Variants in GALNT17 observed in about 807,000 individuals in gnomAD.
GALNT17 encodes polypeptide N-acetylgalactosaminyltransferase 17, also known as UDP-GalNAc:polypeptide N-acetylgalactosaminyltransferase-like 3.
A neutral mutation model predicts 63.7 loss-of-function variants in GALNT17; 29 were observed. The observed-to-expected ratio is 0.46, with a 90% CI of 0.34 to 0.62. The LOEUF is 0.62. Ranked by LOEUF, GALNT17 falls within the 20% of genes least tolerant of loss-of-function variation. GALNT17 has a pLI of 0.01. For missense variants in GALNT17, 603 were observed against 799.6 expected (o/e 0.75, Z 2.97); for synonymous variants, 305 against 318.3 (o/e 0.96, Z 0.45).
intron 1 of GALNT17, among the ~76,000 whole-genome samples, chr7:71,294,468 G>A (rs1226256409): frequency 1.5e-5 from 2 of 133,132 alleles, no homozygotes; most frequent in South Asian, 2.4e-4. Context: ...AGGTTGGAGT[G>A]CAGTGGTGTG....
chr7:71,686,895 G>A (rs765300486), intron 9 of GALNT17, among the ~76,000 whole-genome samples: 23 of 152,124 alleles, frequency 1.5e-4, no homozygotes, highest in Non-Finnish European at 3.2e-4. Context: ...TGCAAGAAAT[G>A]GCCCTGGAGA....
At chr7:71,262,575 G>A (rs73173916) in intron 1 of GALNT17, among the ~76,000 whole-genome samples, 31,859 of 151,884 alleles carry the variant, frequency 0.21, 4,278 homozygotes, top group Non-Finnish European at 0.28. Context: ...GACTGTACTT[G>A]TAGAAAAGAT....
chr7:71,218,214 T>G (rs1379252215), intron 1 of GALNT17, among the ~76,000 whole-genome samples: 1 of 152,102 alleles, frequency 6.6e-6, no homozygotes, highest in Non-Finnish European at 1.5e-5. Flanking sequence ...GCCAACATGG[T>G]GAAACCCCGT....
intron 1 of GALNT17, among the ~76,000 whole-genome samples, chr7:71,179,064 G>C (rs943170561): frequency 6.6e-6 from 1 of 152,036 alleles, no homozygotes; most frequent in Non-Finnish European, 1.5e-5. Context: ...TGATCCTTTG[G>C]GCTAGCTAAT....
At chr7:71,441,153 G>C (rs1787059811) in intron 5 of GALNT17, among the ~76,000 whole-genome samples, 2 of 151,950 alleles carry the variant, frequency 1.3e-5, no homozygotes, top group Non-Finnish European at 1.5e-5. Flanking sequence ...CTCACAAGTA[G>C]CTGGGACTAT....
At chr7:71,172,435 G>A (rs539240173) in intron 1 of GALNT17, among the ~76,000 whole-genome samples, 27 of 150,836 alleles carry the variant, frequency 1.8e-4, no homozygotes, top group African/African-American at 4.9e-4. Context: ...ATTGCAGCCC[G>A]GGTGACAGAC....
chr7:71,417,322 C>T (rs1053501614), intron 4 of GALNT17, among the ~76,000 whole-genome samples: 61 of 152,238 alleles, frequency 4.0e-4, no homozygotes, highest in Middle Eastern at 3.4e-3. Context: ...AAACCCAGGG[C>T]CACTGATAAC....
intron 1 of GALNT17, among the ~76,000 whole-genome samples, chr7:71,292,157 A>G (rs1583834503): frequency 6.6e-6 from 1 of 152,320 alleles, no homozygotes; most frequent in East Asian, 1.9e-4. Context: ...TCCGGGAGAG[A>G]GTAGTCAACA....
chr7:71,694,585 G>A (rs150634717), intron 9 of GALNT17, among the ~76,000 whole-genome samples: 1,988 of 152,144 alleles, frequency 0.013, 38 homozygotes, highest in African/African-American at 0.046. Flanking sequence ...TAGTAGAGAC[G>A]GGGTTTCACC....
At chr7:71,502,777 T>A (rs1262387235) in intron 5 of GALNT17, among the ~76,000 whole-genome samples, 4 of 152,180 alleles carry the variant, frequency 2.6e-5, no homozygotes, top group African/African-American at 7.2e-5. Context: ...TTACTGAGCT[T>A]GACCCCCAAT....
chr7:71,711,867 CCT>C (rs1791798474), intron 10 of GALNT17, 149 bp from the exon 11 acceptor site: 1 of 775,512 alleles, frequency 1.3e-6, no homozygotes, highest in Non-Finnish European at 2.0e-6. Context: ...CTTCTCTTTG[CCT>C]CTTTCTCTGT....
chr7:71,149,884 G>A (rs1224814273), intron 1 of GALNT17, among the ~76,000 whole-genome samples: 1 of 152,134 alleles, frequency 6.6e-6, no homozygotes, highest in African/African-American at 2.4e-5. Context: ...AATTGGGCAA[G>A]ATCTAGTGTA....
intron 1 of GALNT17, among the ~76,000 whole-genome samples, chr7:71,171,627 A>AT (rs1788549373): frequency 6.6e-6 from 1 of 152,180 alleles, no homozygotes; most frequent in Non-Finnish European, 1.5e-5. Context: ...TTTCTGTGCT[A>AT]TTTACTTTTG....
chr7:71,696,932 A>G (rs930718550), intron 9 of GALNT17, among the ~76,000 whole-genome samples: 2 of 152,230 alleles, frequency 1.3e-5, no homozygotes, highest in African/African-American at 2.4e-5. Flanking sequence ...GCAAAGAAAG[A>G]CACATTTATA....
chr7:71,470,734 T>A (rs1787614284), intron 5 of GALNT17, among the ~76,000 whole-genome samples: 1 of 152,146 alleles, frequency 6.6e-6, no homozygotes, highest in African/African-American at 2.4e-5. Context: ...TGTTTGATTT[T>A]TGTATTTTAG....
At chr7:71,249,515 A>G (rs970346787) in intron 1 of GALNT17, among the ~76,000 whole-genome samples, 1 of 152,232 alleles carries the variant, frequency 6.6e-6, no homozygotes, top group African/African-American at 2.4e-5. Context: ...AGATGAAATA[A>G]GCAATGCTTC....
chr7:71,693,456 G>C (rs1368652285), intron 9 of GALNT17, among the ~76,000 whole-genome samples: 1 of 151,796 alleles, frequency 6.6e-6, no homozygotes, highest in Non-Finnish European at 1.5e-5. Flanking sequence ...ATACATCATG[G>C]AATACTTTAT....
intron 6 of GALNT17, among the ~76,000 whole-genome samples, chr7:71,614,881 A>AAGGGAGGGAGGG (rs557178612): frequency 2.4e-5 from 3 of 125,506 alleles, no homozygotes; most frequent in South Asian, 3.2e-4. Flanking sequence ...ACAGGGAGGG[A>AAGGGAGGGAGGG]AGGGAGGGAG....
intron 1 of GALNT17, among the ~76,000 whole-genome samples, chr7:71,269,633 C>G (rs746600887): frequency 6.6e-6 from 1 of 152,170 alleles, no homozygotes; most frequent in Non-Finnish European, 1.5e-5. Flanking sequence ...GGGGCCTAGA[C>G]TGGGGAGGGG....
Sources: gnomAD v4.1 joint callset for allele counts (sites outside exome capture counted in the v4.1 genomes callset) on GRCh38, gnomAD v4.1.1 for gene constraint, MANE v1.5 for transcripts, NCBI Gene and HGNC (gene_info 2026-07-23, HGNC 2026-07-21) for gene names.